Variants in MCRIP2 observed in about 807,000 individuals in gnomAD.
MCRIP2 encodes the protein MAPK regulated corepressor interacting protein 2.
MCRIP2 carries 21 observed loss-of-function variants against 23.2 expected under a neutral mutation model. That is an observed-to-expected ratio of 0.90 (90% CI 0.64 to 1.30). The LOEUF (loss-of-function observed/expected upper bound fraction) is 1.30, where lower values mean the gene tolerates loss of function less well. Ranked by LOEUF, MCRIP2 falls within the 50% of genes most tolerant of loss-of-function variation. MCRIP2 has a pLI of 0.00. For missense variants in MCRIP2, 234 were observed against 223.2 expected (o/e 1.05, Z -0.31); for synonymous variants, 121 against 100.2 (o/e 1.21, Z -1.24).
chr16:647,816 G>T lies in MCRIP2; in HGVS notation c.344G>T (p.Gly115Val). The T allele has an allele frequency of 6.3e-7, 1 of 1,576,074 alleles. No homozygotes were observed. The highest frequency in any genetic ancestry group is 8.6e-7 in the Non-Finnish European group (1 of 1,161,784). ...WQQVQQQLDG[G>V]PAGEGGPRPV... ...CAGGTGCAACAGCAGCTGGATGGTG[G>T]CCCAGCCGGTGAGGGCGGGCCAAGG... The change falls in exon 4 of 5, where the codon GGC becomes GTC. Residue 115 changes from glycine (G) to valine (V), a missense_variant. Coordinates refer to ENST00000307650, the MANE Select transcript of MCRIP2 (RefSeq NM_138418.4).
Position 648,404 on chromosome 16 carries a change from C to CCCAGGGA in MCRIP2, c.*219_*225dup. ...TCTGACCTCAGCCCTGCTCACTGTG[C>CCCAGGGA]CCAGGGACCAGCGACCAGCCCCTGG... On this transcript the variant is annotated 3_prime_UTR_variant, in exon 5 of 5. Coordinates refer to ENST00000307650, the MANE Select transcript of MCRIP2 (RefSeq NM_138418.4). 1 of 579,630 alleles carries CCCAGGGA rather than the reference C, an allele frequency of 1.7e-6. No homozygotes were observed. Among genetic ancestry groups the CCCAGGGA allele is most frequent in the South Asian group, 2.1e-5 (1 of 48,154 alleles). The allele number at this position is 579,630 out of a possible 1,614,324, so 35.9% of individuals were successfully genotyped here. A position where few individuals can be genotyped will look rare whatever the true frequency, so the allele number is the denominator to read the frequency against.
At chr16:642,495 T>A in intron 2 of MCRIP2, 1 of 233,998 alleles carries the variant, frequency 4.3e-6, no homozygotes, top group East Asian at 1.1e-4. Context: ...GGCCAGTTCC[T>A]GGGTCGCAGG....
At position 642,228 on chromosome 16, in the gene MCRIP2, C is replaced by G. The variant is rs1466763046; in HGVS notation, c.161C>G (p.Pro54Arg). The change falls in exon 2 of 5, where the codon CCG becomes CGG. Residue 54 changes from proline to arginine, a missense_variant. Coordinates refer to ENST00000307650, the MANE Select transcript of MCRIP2 (RefSeq NM_138418.4). Reference protein sequence around the residue: ...PPRAQPFAQPPGPWPLSSPGP... With the variant: ...PPRAQPFAQPRGPWPLSSPGP... ...CGGGCGCAGCCCTTTGCGCAGCCGCCGGGACCCTGGCCCCTGTCGAGGTGA... is the reference window on the plus strand; with the variant it reads ...CGGGCGCAGCCCTTTGCGCAGCCGCGGGGACCCTGGCCCCTGTCGAGGTGA... The G allele has an allele frequency of 8.1e-7, 1 of 1,240,922 alleles. No individual in the cohort carries two copies. The highest frequency in any genetic ancestry group is 1.0e-6 in the Non-Finnish European group (1 of 992,910). 76.9% of individuals were successfully genotyped at this position (1,240,922 alleles called of 1,614,324 possible).
Position 648,290 on chromosome 16 carries a change from C to A in MCRIP2, c.*100C>A, listed in dbSNP as rs775685968. ...TGCGCCTGGCTGGGTGCCGGCCACA[C>A]CTGAAGTGCCAGCATTTGGACTTTT... On this transcript the variant is annotated 3_prime_UTR_variant, in exon 5 of 5. Transcript: ENST00000307650. 6.0e-6 allele frequency: 7 copies of A among 1,173,494 alleles called. No individual in the cohort carries two copies. In the South Asian group the frequency reaches 7.8e-5, roughly 13 times the overall value. 72.7% of individuals were successfully genotyped at this position (1,173,494 alleles called of 1,614,324 possible).
intron 1 of MCRIP2, 28 bp from the exon 2 acceptor site, chr16:642,092 G>T: frequency 7.6e-7 from 1 of 1,321,650 alleles, no homozygotes; most frequent in Non-Finnish European, 9.6e-7. Context: ...GGGCGCGGCG[G>T]CGGCTGACCG....
At chr16:648,041 C>A (rs984665858) in intron 4 of MCRIP2, 79 bp from the exon 5 acceptor site, 2 of 1,409,788 alleles carry the variant, frequency 1.4e-6, no homozygotes, top group South Asian at 2.6e-5. Context: ...TCCGGGTGAG[C>A]GGCTTGTGGT....
rs1469333246 is a variant in MCRIP2, at chr16:641,891, G to A, written c.-101G>A. The A allele has an allele frequency of 9.2e-6, 10 of 1,083,946 alleles. No individual in the cohort carries two copies. Among genetic ancestry groups the A allele is most frequent in the Non-Finnish European group, 1.2e-5 (10 of 850,880 alleles). 67.1% of individuals were successfully genotyped at this position (1,083,946 alleles called of 1,614,324 possible). A position where few individuals can be genotyped will look rare whatever the true frequency, so the allele number is the denominator to read the frequency against. Reference sequence around the variant, plus strand: ...TTTAAGGGCCGGGGGCGTGTAGCGGGCCCGCCCCCTCCCCGCGGCGCCCGC... The same window carrying A: ...TTTAAGGGCCGGGGGCGTGTAGCGGACCCGCCCCCTCCCCGCGGCGCCCGC... On this transcript the variant is annotated 5_prime_UTR_variant, in exon 1 of 5. Transcript: ENST00000307650.
In MCRIP2 at chr16:648,328, C is replaced by T; in HGVS notation, c.*138C>T. ...CATTTGGACTTTTGCACCTTTTTTT[C>T]CCTTGGCCCGGCTGTCCCAACCAAG... On this transcript the variant is annotated 3_prime_UTR_variant, in exon 5 of 5. Transcript: ENST00000307650. 1.1e-6 allele frequency: 1 copy of T among 898,798 alleles called. No homozygotes were observed. Among genetic ancestry groups the T allele is most frequent in the Non-Finnish European group, 1.7e-6 (1 of 579,150 alleles). 55.7% of individuals were successfully genotyped at this position (898,798 alleles called of 1,614,324 possible).
At chr16:644,816 C>T (rs191803824) in intron 2 of MCRIP2, among the ~76,000 whole-genome samples, 2 of 151,734 alleles carry the variant, frequency 1.3e-5, no homozygotes, top group South Asian at 2.1e-4. Context: ...AGGGGGGTGT[C>T]GGGGTCCCTG....
chr16:642,265 C>T lies in MCRIP2; in HGVS notation c.182+16C>T. On this transcript the variant is annotated intron_variant, in intron 2 of 4. Coordinates refer to ENST00000307650, the MANE Select transcript of MCRIP2 (RefSeq NM_138418.4). ...CCCTGTCGAGGTGAGACGCGCGCGG[C>T]CCCGGCCCGGCCCGGCCCGGCTTCC... is the stretch of plus-strand genomic sequence containing the variant. 2 of 1,167,174 alleles carry T rather than the reference C, an allele frequency of 1.7e-6. No homozygotes were observed. The highest frequency in any genetic ancestry group is 4.0e-5 in the East Asian group (1 of 24,848). The allele number at this position is 1,167,174 out of a possible 1,614,324, so 72.3% of individuals were successfully genotyped here. A position where few individuals can be genotyped will look rare whatever the true frequency, so the allele number is the denominator to read the frequency against.
rs188939471 is a variant in MCRIP2, at chr16:647,128, C to A, written c.183-289C>A. ...CCTCGGGGAGGGGTACTGAGTGGGG[C>A]CCGACCAAAGGTTTGGGACACTCTA... is the stretch of plus-strand genomic sequence containing the variant. On this transcript the variant is annotated intron_variant, in intron 2 of 4. Coordinates refer to ENST00000307650, the MANE Select transcript of MCRIP2 (RefSeq NM_138418.4). The A allele has an allele frequency of 1.3e-3, 598 of 453,830 alleles. 1 individual carries two copies. Among genetic ancestry groups the A allele is most frequent in the Non-Finnish European group, 1.6e-3 (406 of 250,884 alleles). 28.1% of individuals were successfully genotyped at this position (453,830 alleles called of 1,614,324 possible). A position where few individuals can be genotyped will look rare whatever the true frequency, so the allele number is the denominator to read the frequency against.
At chr16:642,662 G>A (rs1222859324) in intron 2 of MCRIP2, 1 of 153,004 alleles carries the variant, frequency 6.5e-6, no homozygotes, top group South Asian at 2.1e-4. Flanking sequence ...GGGGAGACGT[G>A]CGTGCGCTTC....
intron 2 of MCRIP2, chr16:643,198 G>C (rs2037394431): frequency 6.6e-6 from 1 of 152,262 alleles, no homozygotes. Context: ...GGGCCCCTAG[G>C]TGCTTCCAGC....
At chr16:643,627 C>T (rs925008963) in intron 2 of MCRIP2, among the ~76,000 whole-genome samples, 23 of 150,740 alleles carry the variant, frequency 1.5e-4, no homozygotes, top group Admixed American at 4.0e-4. Flanking sequence ...TCACTGCAAC[C>T]TCTGCCTCCC....
chr16:646,973 ATGT>A lies in MCRIP2; in HGVS notation c.183-443_183-441del. ...ATGGAGGTGCTTCTGTGGGGCGAGA[ATGT>A]GGCCTAGAACTACACCCAGAGTGGG... On this transcript the variant is annotated intron_variant, in intron 2 of 4. Coordinates refer to ENST00000307650, the MANE Select transcript of MCRIP2 (RefSeq NM_138418.4). The surrounding 1 kb of genome is among the most constrained non-coding windows in gnomAD (Gnocchi z 6.5). 4.8e-4 allele frequency: 82 copies of A among 171,930 alleles called. No homozygotes were observed. The highest frequency in any genetic ancestry group is 3.0e-3 in the South Asian group (21 of 7,012). 10.7% of individuals were successfully genotyped at this position (171,930 alleles called of 1,614,324 possible). A position where few individuals can be genotyped will look rare whatever the true frequency, so the allele number is the denominator to read the frequency against.
At chr16:643,567 CAG>C (rs1048896202) in intron 2 of MCRIP2, among the ~76,000 whole-genome samples, 3 of 128,878 alleles carry the variant, frequency 2.3e-5, no homozygotes, top group African/African-American at 6.2e-5. Context: ...TTTTTGGAGA[CAG>C]AGTCTCCATC....
At chr16:647,568 C>G (rs757258982) in intron 3 of MCRIP2, 24 bp downstream of exon 3, 5 of 1,609,518 alleles carry the variant, frequency 3.1e-6, no homozygotes, top group Non-Finnish European at 4.2e-6. Context: ...CCAGAGGGTG[C>G]GGCATAGGCT....
intron 3 of MCRIP2, 63 bp from the exon 4 acceptor site, chr16:647,720 A>C: frequency 6.6e-7 from 1 of 1,507,630 alleles, no homozygotes. Context: ...GGTGACCATC[A>C]GGCCCTGGGT....
intron 4 of MCRIP2, 115 bp from the exon 5 acceptor site, chr16:648,005 C>A: frequency 8.1e-7 from 1 of 1,234,232 alleles, no homozygotes; most frequent in Non-Finnish European, 1.1e-6. Flanking sequence ...GAAACCCCTT[C>A]TTCCCAGCGC....
Sources: gnomAD v4.1 joint callset for allele counts (sites outside exome capture counted in the v4.1 genomes callset) on GRCh38, gnomAD v4.1.1 for gene constraint, Gnocchi (gnomAD v3.1) non-coding constraint, MANE v1.5 for transcripts, NCBI Gene and HGNC (gene_info 2026-07-23, HGNC 2026-07-21) for gene names.